The following DAB1 variants were observed in gnomAD, a reference collection of about 807,000 sequenced individuals.
DAB1 encodes the protein disabled homolog 1.
In DAB1, 15 loss-of-function variants were observed where a neutral mutation model predicts 64.6. That is an observed-to-expected ratio of 0.23 (90% confidence interval 0.16 to 0.36). DAB1 has a LOEUF of 0.36. DAB1 is among the 10% of genes least tolerant of loss of function. The pLI is 1.00. For missense variants in DAB1, 596 were observed against 706.7 expected, an observed-to-expected ratio of 0.84 and a Z score of 1.78; for synonymous variants, 235 against 251.9, an observed-to-expected ratio of 0.93 and a Z score of 0.64.
chr1:57,426,875 T>TA (rs1553180831), upstream of DAB1, among the ~76,000 whole-genome samples: 9,796 of 126,294 alleles, frequency 0.078, 567 homozygotes, highest in African/African-American at 0.099. Context: ...TATATATATA[T>TA]TTTTTTGAGA....
chr1:58,018,926 C>G lies in DAB1; in HGVS notation n.387+131585G>C, dbSNP rs189527408. On this transcript the variant is annotated intron_variant and non_coding_transcript_variant, in intron 5 of 20. Transcript: ENST00000485760. ...AAATCTGGCAGGAGCATTAAGGTGACATTTGAAAATATTATCATTCTCAGG... is the reference window on the plus strand; with the variant it reads ...AAATCTGGCAGGAGCATTAAGGTGAGATTTGAAAATATTATCATTCTCAGG... Among the ~76,000 whole-genome samples the G allele has an allele frequency of 1.5e-4, 23 of 152,298 alleles. No homozygotes were observed. The East Asian group carries it at 4.3e-3, about 28-fold the overall frequency.
chr1:57,166,234 A>G (rs1661199576), intron 2 of DAB1, among the ~76,000 whole-genome samples: 1 of 152,200 alleles, frequency 6.6e-6, no homozygotes, highest in African/African-American at 2.4e-5. Context: ...AACTTCTTCC[A>G]TATCATGCAA....
intron 4 of DAB1, among the ~76,000 whole-genome samples, chr1:58,168,503 T>C (rs1258132879): frequency 3.9e-5 from 6 of 152,152 alleles, no homozygotes; most frequent in Non-Finnish European, 8.8e-5. Context: ...TCCCTGTCTC[T>C]GGTGCTTTTC....
rs538926871 is a variant in DAB1 at position 58,073,638 on chromosome 1, A to G, written n.387+76873T>C. Among the ~76,000 whole-genome samples the G allele has an allele frequency of 2.0e-5, 3 of 152,346 alleles. No individual in the cohort carries two copies. In the South Asian group the frequency reaches 6.2e-4, roughly 32 times the overall value. The stretch of plus-strand genomic sequence containing the variant: ...ATGCATTAATGGTTGCAGCCCCAGC[A>G]TGCATACTTTCTGGGTTTTGAAATT... On this transcript the variant is annotated intron_variant and non_coding_transcript_variant, in intron 5 of 20. Coordinates refer to the DAB1 transcript ENST00000485760.
intron 10 of DAB1, among the ~76,000 whole-genome samples, chr1:57,024,137 G>A (rs140697278): frequency 2.4e-3 from 371 of 152,222 alleles, no homozygotes; most frequent in African/African-American, 8.2e-3. Context: ...ACAAAATTTA[G>A]CAAGTGGTGC....
chr1:58,379,433 T>A (rs1007108412), intron 3 of DAB1, among the ~76,000 whole-genome samples: 1 of 152,222 alleles, frequency 6.6e-6, no homozygotes, highest in Non-Finnish European at 1.5e-5. Flanking sequence ...TTACAACCCA[T>A]TGAAATGTAT....
At chr1:58,345,133 A>G (rs185894749) in intron 3 of DAB1, among the ~76,000 whole-genome samples, 110 of 152,222 alleles carry the variant, frequency 7.2e-4, no homozygotes, top group Admixed American at 6.6e-3. Flanking sequence ...AAAGACTTTC[A>G]TTGTTTTTCA....
intron 3 of DAB1, among the ~76,000 whole-genome samples, chr1:58,387,235 CCCTCCACTCTCTG>C (rs1362175252): frequency 4.6e-5 from 7 of 152,162 alleles, no homozygotes; most frequent in African/African-American, 1.7e-4. Flanking sequence ...GGAAAGGTTC[CCCTCCACTCTCTG>C]AAGGTTCACT....
chr1:57,027,849 A>T (rs1317206543), intron 9 of DAB1, among the ~76,000 whole-genome samples: 2 of 152,104 alleles, frequency 1.3e-5, no homozygotes, highest in Non-Finnish European at 2.9e-5. Flanking sequence ...ATAAGGACTG[A>T]TTTTCTTTCC....
At chr1:57,119,112 T>C (rs1656409128) in intron 4 of DAB1, among the ~76,000 whole-genome samples, 1 of 152,214 alleles carries the variant, frequency 6.6e-6, no homozygotes, top group Non-Finnish European at 1.5e-5. Flanking sequence ...CAACTGGATC[T>C]ACAACTTTTC....
intron 7 of DAB1, among the ~76,000 whole-genome samples, chr1:57,488,192 A>G (rs1398594387): frequency 1.3e-5 from 2 of 152,096 alleles, no homozygotes; most frequent in African/African-American, 4.8e-5. Flanking sequence ...TTACGAGGTC[A>G]GGAGATAGAG....
chr1:58,146,700 T>A (rs921099940), intron 5 of DAB1, among the ~76,000 whole-genome samples: 3 of 152,044 alleles, frequency 2.0e-5, no homozygotes, highest in African/African-American at 7.2e-5. Context: ...TAAGGCTGAA[T>A]AGTATTCCAT....
At chr1:58,017,016 A>G (rs1557611100) in intron 5 of DAB1, among the ~76,000 whole-genome samples, 1 of 152,244 alleles carries the variant, frequency 6.6e-6, no homozygotes. Context: ...GAGGTGAAGA[A>G]AAGTTGAATC....
chr1:57,842,981 T>C (rs997363723), intron 1 of DAB1, among the ~76,000 whole-genome samples: 2 of 152,210 alleles, frequency 1.3e-5, no homozygotes, highest in African/African-American at 4.8e-5. Flanking sequence ...GAGCACAGTA[T>C]GGGTTGTCTG....
chr1:57,267,599 C>T (rs958688395), intron 2 of DAB1, among the ~76,000 whole-genome samples: 13 of 152,192 alleles, frequency 8.5e-5, no homozygotes, highest in African/African-American at 2.9e-4. Flanking sequence ...GTACCTGAAA[C>T]ATACAGGTGC....
At chr1:57,637,487 G>T (rs1470834304) in intron 7 of DAB1, among the ~76,000 whole-genome samples, 3 of 152,190 alleles carry the variant, frequency 2.0e-5, no homozygotes, top group African/African-American at 7.2e-5. Context: ...GTGTGTAGGG[G>T]TAGCTGAGGT....
intron 2 of DAB1, among the ~76,000 whole-genome samples, chr1:57,259,491 A>T (rs1369915865): frequency 1.3e-5 from 2 of 152,190 alleles, no homozygotes; most frequent in African/African-American, 4.8e-5. Flanking sequence ...GAGAGGAAGA[A>T]GACTATTCCA....
chr1:58,173,889 C>T (rs1309908671), intron 4 of DAB1, among the ~76,000 whole-genome samples: 3 of 152,166 alleles, frequency 2.0e-5, no homozygotes, highest in African/African-American at 7.2e-5. Context: ...CAGAGCCATA[C>T]AATGAATACT....
upstream of DAB1, among the ~76,000 whole-genome samples, chr1:57,887,623 G>T (rs982466789): frequency 6.6e-6 from 1 of 152,174 alleles, no homozygotes; most frequent in Admixed American, 6.5e-5. Context: ...GATAGACATT[G>T]CAAAATGATA....
Sources: allele counts gnomAD v4.1 joint callset (sites outside exome capture counted in the v4.1 genomes callset), GRCh38; gene constraint gnomAD v4.1.1; transcripts MANE v1.5; gene names NCBI Gene and HGNC (gene_info 2026-07-23, HGNC 2026-07-21).